CALN1: variants seen among roughly 807,000 people sequenced by gnomAD.
CALN1 encodes the protein calneuron 1, also known as calcium-binding protein 8.
CALN1 carries 17 observed loss-of-function variants against 30.6 expected under a neutral mutation model. That is an observed-to-expected ratio of 0.56 (90% confidence interval 0.38 to 0.83). CALN1 has a LOEUF of 0.83. Among genes scored for constraint, CALN1 ranks in the 40% least tolerant of loss-of-function variants. The pLI is 0.00. For synonymous variants in CALN1, 156 were observed against 131.4 expected (o/e 1.19, Z -1.28); for missense variants, 291 against 354.9 (o/e 0.82, Z 1.45).
intron 3 of CALN1, among the ~76,000 whole-genome samples, chr7:72,218,634 T>C (rs993804562): frequency 4.6e-5 from 7 of 152,138 alleles, no homozygotes; most frequent in African/African-American, 1.7e-4. Flanking sequence ...AACCGAAACA[T>C]CACTTTGCTT....
Position 72,087,832 on chromosome 7 carries a change from G to A in CALN1, c.388+18319C>T, listed in dbSNP as rs78256357. On this transcript the variant is annotated intron_variant, in intron 4 of 6. Coordinates refer to ENST00000395275, the MANE Select transcript of CALN1 (RefSeq NM_031468.4). Reference sequence around the variant, plus strand: ...CAAAAGCAAAAAACAAAAAAGGGTTGAACAAATGTTTTCCAGAAAGAAAAC... The same window carrying A: ...CAAAAGCAAAAAACAAAAAAGGGTTAAACAAATGTTTTCCAGAAAGAAAAC... Among the ~76,000 whole-genome samples the A allele has an allele frequency of 0.016, 2,430 of 152,226 alleles. 210 individuals are homozygous for A. The East Asian group carries it at 0.27, about 17-fold the overall frequency.
upstream of CALN1, among the ~76,000 whole-genome samples, chr7:72,415,043 G>A (rs1585703809): frequency 1.3e-5 from 2 of 152,238 alleles, no homozygotes; most frequent in South Asian, 2.1e-4. Flanking sequence ...GACACAGCAA[G>A]AAGGCAGCTG....
chr7:72,228,099 C>T (rs1677938349), intron 3 of CALN1, among the ~76,000 whole-genome samples: 1 of 152,016 alleles, frequency 6.6e-6, no homozygotes, highest in South Asian at 2.1e-4. Context: ...CAATGTAGCT[C>T]TTCTTTCTTT....
intron 5 of CALN1, among the ~76,000 whole-genome samples, chr7:71,932,197 T>C (rs1411793811): frequency 6.6e-6 from 1 of 152,154 alleles, no homozygotes; most frequent in Non-Finnish European, 1.5e-5. Context: ...GTTTTATTTA[T>C]TTATTTATGT....
intron 2 of CALN1, among the ~76,000 whole-genome samples, chr7:72,388,906 C>G (rs769570022): frequency 5.3e-5 from 8 of 152,170 alleles, no homozygotes; most frequent in Non-Finnish European, 8.8e-5. Flanking sequence ...GGTATCTGCC[C>G]TGAGTGTTTG....
rs138305182 is a variant in CALN1, at chr7:72,194,557, C to G, written c.244+84129G>C. Among the ~76,000 whole-genome samples, 1,244 of 149,930 alleles carry G rather than the reference C, an allele frequency of 8.3e-3. 7 individuals are homozygous for G. Among genetic ancestry groups the G allele is most frequent in the Middle Eastern group, 0.014 (4 of 280 alleles). ...ACAAAAACAAAAACAGAAACAGAAA[C>G]AGGTTTGGGCAGAAGGGGATCTCCT... On this transcript the variant is annotated intron_variant, in intron 3 of 6. Coordinates refer to ENST00000395275, the MANE Select transcript of CALN1 (RefSeq NM_031468.4).
intron 4 of CALN1, among the ~76,000 whole-genome samples, chr7:72,077,169 C>T (rs1008183927): frequency 2.0e-5 from 3 of 152,084 alleles, no homozygotes; most frequent in Non-Finnish European, 2.9e-5. Flanking sequence ...GGACTCCATA[C>T]GTATTTGCAA....
At chr7:72,011,024 G>A (rs1178685631) in intron 5 of CALN1, among the ~76,000 whole-genome samples, 7 of 151,478 alleles carry the variant, frequency 4.6e-5, no homozygotes, top group Middle Eastern at 3.4e-3. Flanking sequence ...GTGTTGGCAC[G>A]CACCTGTAGT....
At chr7:72,334,649 G>A (rs1360658007) in intron 2 of CALN1, among the ~76,000 whole-genome samples, 2 of 152,186 alleles carry the variant, frequency 1.3e-5, no homozygotes, top group Non-Finnish European at 2.9e-5. Flanking sequence ...CACCCTAGCC[G>A]AAGGCCTGAT....
At chr7:72,481,016 G>A in the CALN1 span, among the ~76,000 whole-genome samples, 4 of 152,128 alleles carry the variant, frequency 2.6e-5, no homozygotes, top group East Asian at 1.9e-4. Flanking sequence ...ACAATGGTGC[G>A]ATCTCGGCTC....
intron 2 of CALN1, among the ~76,000 whole-genome samples, chr7:72,386,020 G>C (rs1263835637): frequency 1.3e-5 from 2 of 152,204 alleles, no homozygotes; most frequent in Non-Finnish European, 2.9e-5. Flanking sequence ...AGAGAAGCCA[G>C]TTTGAAAAGG....
intron 4 of CALN1, among the ~76,000 whole-genome samples, chr7:72,104,675 T>C (rs1806950465): frequency 6.6e-6 from 1 of 152,146 alleles, no homozygotes; most frequent in Non-Finnish European, 1.5e-5. Flanking sequence ...ATACACAATT[T>C]AGGCCGGGCG....
chr7:72,140,269 T>C (rs1313179874), intron 3 of CALN1, among the ~76,000 whole-genome samples: 1 of 94,746 alleles, frequency 1.1e-5, no homozygotes, highest in Non-Finnish European at 2.0e-5. Context: ...AGACCTTGTC[T>C]CAAAATAAGA....
intron 2 of CALN1, among the ~76,000 whole-genome samples, chr7:72,395,355 GCGCGCACACACACACACA>G (rs1439461025): frequency 2.0e-5 from 3 of 147,594 alleles, no homozygotes; most frequent in Non-Finnish European, 3.1e-5. Context: ...CTGCGCACGC[GCGCGCACACACACACACA>G]CACATATCCA....
intron 5 of CALN1, among the ~76,000 whole-genome samples, chr7:72,009,646 G>T (rs1230095416): frequency 6.6e-6 from 1 of 152,164 alleles, no homozygotes; most frequent in African/African-American, 2.4e-5. Flanking sequence ...TTGTGGGAGG[G>T]ACCATCCCTG....
intron 5 of CALN1, among the ~76,000 whole-genome samples, chr7:71,993,138 G>A (rs1799046409): frequency 6.6e-6 from 1 of 152,114 alleles, no homozygotes; most frequent in Non-Finnish European, 1.5e-5. Flanking sequence ...CAACATGGAT[G>A]AGGATGTACT....
chr7:72,068,818 G>T (rs1584875827), intron 4 of CALN1, among the ~76,000 whole-genome samples: 2 of 152,114 alleles, frequency 1.3e-5, no homozygotes, highest in African/African-American at 4.8e-5. Context: ...TTTTTTGTTG[G>T]ATTAATAATA....
chr7:71,820,339 G>A (rs925767028), intron 5 of CALN1, among the ~76,000 whole-genome samples: 1 of 152,110 alleles, frequency 6.6e-6, no homozygotes, highest in Non-Finnish European at 1.5e-5. Context: ...CATCTTATGT[G>A]TATTGACATT....
intron 3 of CALN1, among the ~76,000 whole-genome samples, chr7:72,212,349 CA>C (rs35123942): frequency 0.019 from 1,803 of 96,458 alleles, 24 homozygotes; most frequent in African/African-American, 0.055. Flanking sequence ...CACACCGTCT[CA>C]AAAAAAAAAA....
Sources: allele counts gnomAD v4.1 joint callset (sites outside exome capture counted in the v4.1 genomes callset), GRCh38; gene constraint gnomAD v4.1.1; transcripts MANE v1.5; gene names NCBI Gene and HGNC (gene_info 2026-07-23, HGNC 2026-07-21).